The following ABCC4 variants were observed in gnomAD, a reference collection of about 807,000 sequenced individuals.
ABCC4 encodes ATP binding cassette subfamily C member 4 (PEL blood group), also known as ATP-binding cassette sub-family C member 4.
In ABCC4, 102 loss-of-function variants were observed where a neutral mutation model predicts 168.5. The observed-to-expected ratio is 0.61, with a 90% CI of 0.52 to 0.71. The LOEUF (loss-of-function observed/expected upper bound fraction) is 0.71. ABCC4 is among the 30% of genes least tolerant of loss of function. ABCC4 has a pLI of 0.00. For synonymous variants in ABCC4, 617 were observed against 590.7 expected (o/e 1.04, Z -0.65); for missense variants, 1,402 against 1,605.8 (o/e 0.87, Z 2.17).
At chr13:95,046,271 T>C (rs1303933128) in intron 27 of ABCC4, among the ~76,000 whole-genome samples, 1 of 152,180 alleles carries the variant, frequency 6.6e-6, no homozygotes, top group Non-Finnish European at 1.5e-5. Flanking sequence ...GCAGCCAGAT[T>C]TGAAGAAATA....
chr13:95,139,601 C>T (rs1471197154), intron 19 of ABCC4, among the ~76,000 whole-genome samples: 4 of 152,208 alleles, frequency 2.6e-5, no homozygotes, highest in Admixed American at 2.0e-4. Flanking sequence ...GCTACTTGGC[C>T]TCTACCTCCA....
At chr13:95,092,505 A>G (rs2034467317) in intron 20 of ABCC4, among the ~76,000 whole-genome samples, 1 of 152,204 alleles carries the variant, frequency 6.6e-6, no homozygotes, top group African/African-American at 2.4e-5. Flanking sequence ...TCAAGATGGA[A>G]ATTAAAAAAT....
intron 14 of ABCC4, 45 bp from the exon 15 acceptor site, chr13:95,166,412 A>G (rs1307891531): frequency 6.7e-7 from 1 of 1,503,578 alleles, no homozygotes; most frequent in Non-Finnish European, 9.2e-7. Context: ...TGTGCAGGTG[A>G]TAATGTTAAC....
At chr13:95,057,546 G>C (rs1351035175) in intron 26 of ABCC4, among the ~76,000 whole-genome samples, 5 of 152,056 alleles carry the variant, frequency 3.3e-5, no homozygotes, top group Non-Finnish European at 5.9e-5. Flanking sequence ...CCCAGTATTT[G>C]TTTCTTAAAG....
chr13:95,163,875 A>G (rs2037178651), intron 16 of ABCC4, among the ~76,000 whole-genome samples: 1 of 151,920 alleles, frequency 6.6e-6, no homozygotes, highest in Non-Finnish European at 1.5e-5. Flanking sequence ...CTCTACTAAA[A>G]ATACAAAAAT....
At chr13:95,289,424 C>T (rs761980668) in intron 1 of ABCC4, among the ~76,000 whole-genome samples, 9 of 152,176 alleles carry the variant, frequency 5.9e-5, no homozygotes, top group Non-Finnish European at 1.2e-4. Context: ...TCATGTCCTG[C>T]CTGGGTGACC....
At chr13:95,121,034 A>T (rs912586897) in intron 19 of ABCC4, among the ~76,000 whole-genome samples, 1 of 152,234 alleles carries the variant, frequency 6.6e-6, no homozygotes, top group Non-Finnish European at 1.5e-5. Context: ...GAAGTCCAGT[A>T]TTTCAGTATA....
intron 27 of ABCC4, among the ~76,000 whole-genome samples, chr13:95,045,711 T>G (rs1259155781): frequency 6.6e-6 from 1 of 152,162 alleles, no homozygotes; most frequent in African/African-American, 2.4e-5. Context: ...CAGGTGACAT[T>G]TGAGAGCTAT....
rs77190710 is a variant in ABCC4, at chr13:95,137,601, G to A, written c.2456-21600C>T. Among the ~76,000 whole-genome samples, 43 of 152,214 alleles carry A rather than the reference G, an allele frequency of 2.8e-4. No individual in the cohort carries two copies. The East Asian group carries it at 8.1e-3, about 29-fold the overall frequency. On this transcript the variant is annotated intron_variant, in intron 19 of 30. Transcript: ENST00000645237. ...ATGTGGAAATACAGGAAATGGGAGA[G>A]GCACCTGCGGGTCAAATGCAGCCCC...
chr13:95,103,499 A>G (rs1447633551), intron 20 of ABCC4, among the ~76,000 whole-genome samples: 1 of 152,214 alleles, frequency 6.6e-6, no homozygotes, highest in Non-Finnish European at 1.5e-5. Flanking sequence ...CAGTTGATCT[A>G]GTAAAGCATT....
intron 26 of ABCC4, among the ~76,000 whole-genome samples, chr13:95,057,135 C>T (rs1290430934): frequency 6.6e-6 from 1 of 152,192 alleles, no homozygotes; most frequent in Admixed American, 6.5e-5. Context: ...AAGAAGCATA[C>T]ATTTCAGCTA....
At chr13:95,130,742 T>C (rs1292253290) in intron 19 of ABCC4, among the ~76,000 whole-genome samples, 1 of 152,012 alleles carries the variant, frequency 6.6e-6, no homozygotes, top group Non-Finnish European at 1.5e-5. Context: ...AAAAGAAAAA[T>C]CTTTGGTTGC....
At chr13:95,155,234 G>A (rs138728741) in intron 19 of ABCC4, among the ~76,000 whole-genome samples, 3,092 of 151,480 alleles carry the variant, frequency 0.02, 70 homozygotes, top group Non-Finnish European at 0.025. Flanking sequence ...TTGGAGACAG[G>A]TTGGAGTGCA....
Position 95,038,556 on chromosome 13 carries a change from C to T in ABCC4, c.3736-3817G>A, listed in dbSNP as rs572051568. On this transcript the variant is annotated intron_variant, in intron 29 of 30. Coordinates refer to ENST00000645237, the MANE Select transcript of ABCC4 (RefSeq NM_005845.5). ...CTTGAGGAATGGACAGACTTAGACA[C>T]GTAGAAATGGTGGTGGAGGTGAGGG... Among the ~76,000 whole-genome samples the T allele has an allele frequency of 1.5e-4, 23 of 151,908 alleles. No homozygotes were observed. The South Asian group carries it at 4.2e-3, about 28-fold the overall frequency.
At chr13:95,189,166 T>C (rs1283425682) in intron 9 of ABCC4, among the ~76,000 whole-genome samples, 1 of 144,348 alleles carries the variant, frequency 6.9e-6, no homozygotes, top group African/African-American at 2.5e-5. Flanking sequence ...CGGAGTCTCG[T>C]TCTGTCGCCC....
chr13:95,043,388 C>A, intron 29 of ABCC4: 1 of 314,204 alleles, frequency 3.2e-6, no homozygotes, highest in Non-Finnish European at 5.9e-6. Flanking sequence ...CTATTGGATA[C>A]TACTCCGTAG....
chr13:95,240,377 C>G (rs1029587068), intron 3 of ABCC4, among the ~76,000 whole-genome samples: 1 of 151,818 alleles, frequency 6.6e-6, no homozygotes, highest in Non-Finnish European at 1.5e-5. Context: ...ACTAAAAATA[C>G]AAAATTACCC....
At position 95,036,600 on chromosome 13, in the gene ABCC4, C is replaced by T. The variant is rs909315904; in HGVS notation, c.3736-1861G>A. Among the ~76,000 whole-genome samples the T allele has an allele frequency of 3.3e-5, 5 of 152,100 alleles. No homozygotes were observed. The South Asian group carries it at 1.0e-3, about 32-fold the overall frequency. The stretch of plus-strand genomic sequence containing the variant: ...ACAGAAAGATCATTTGGTCAAAATA[C>T]TTTAAGCCTTATAAATATCAACAAC... On this transcript the variant is annotated intron_variant, in intron 29 of 30. Coordinates refer to ENST00000645237, the MANE Select transcript of ABCC4 (RefSeq NM_005845.5).
chr13:95,250,931 G>A (rs1270595913), intron 1 of ABCC4, among the ~76,000 whole-genome samples: 1 of 151,904 alleles, frequency 6.6e-6, no homozygotes, highest in African/African-American at 2.4e-5. Context: ...AGGAGTACAG[G>A]CACATGCCAC....
Sources: gnomAD v4.1 joint callset for allele counts (sites outside exome capture counted in the v4.1 genomes callset) on GRCh38, gnomAD v4.1.1 for gene constraint, MANE v1.5 for transcripts, NCBI Gene and HGNC (gene_info 2026-07-23, HGNC 2026-07-21) for gene names.